The following XKR9 variants were observed in gnomAD, a reference collection of about 807,000 sequenced individuals.
The protein encoded by XKR9 is XK related 9.
Under a neutral mutation model 32.0 loss-of-function variants are expected in XKR9, and 32 were observed. That is an observed-to-expected ratio of 1.00 (90% confidence interval 0.76 to 1.34). XKR9 has a LOEUF of 1.34. XKR9 is among the 40% of genes most tolerant of loss of function. XKR9 has a pLI of 0.00. For missense variants in XKR9, 546 were observed against 429.7 expected, an observed-to-expected ratio of 1.27 and a Z score of -2.39; for synonymous variants, 168 against 143.4, an observed-to-expected ratio of 1.17 and a Z score of -1.22.
chr8:70,818,173 TG>T, the XKR9 span, among the ~76,000 whole-genome samples: 2 of 148,990 alleles, frequency 1.3e-5, no homozygotes, highest in Non-Finnish European at 3.0e-5. Flanking sequence ...TGTTTTTTGT[TG>T]TTGTTGTTTT....
the XKR9 span, among the ~76,000 whole-genome samples, chr8:70,958,931 G>GAAATAAAAA: frequency 6.7e-6 from 1 of 149,560 alleles, no homozygotes. Flanking sequence ...TAATTTGTGT[G>GAAATAAAAA]TATATATATA....
chr8:70,734,373 T>C lies in XKR9; in HGVS notation c.1071T>C (p.Asp357=). The change falls in exon 5 of 5, where the codon GAT becomes GAC. Residue 357 remains aspartate (D), a synonymous_variant. Coordinates refer to ENST00000408926, the MANE Select transcript of XKR9 (RefSeq NM_001011720.2). ...CAGAAACAAAATGTGATGAAATTGA[T>C]GGAAAACCAGTTCTAAGAGAATGTA... ...RSAETKCDEI[D]GKPVLRECRM... The C allele has an allele frequency of 6.2e-7, 1 of 1,609,670 alleles. No homozygotes were observed. Among genetic ancestry groups the C allele is most frequent in the South Asian group, 1.1e-5 (1 of 90,580 alleles).
the XKR9 span, among the ~76,000 whole-genome samples, chr8:70,842,682 C>G: frequency 0.021 from 3,237 of 152,258 alleles, 53 homozygotes; most frequent in Non-Finnish European, 0.034. Flanking sequence ...TTTGCCTAAT[C>G]CTTTTTATGT....
chr8:71,032,277 C>A, the XKR9 span, among the ~76,000 whole-genome samples: 1 of 82,176 alleles, frequency 1.2e-5, no homozygotes, highest in Non-Finnish European at 2.1e-5. Context: ...GAGTGAGACT[C>A]TGTCAAAAAA....
chr8:71,063,844 C>A, the XKR9 span, among the ~76,000 whole-genome samples: 1 of 152,130 alleles, frequency 6.6e-6, no homozygotes, highest in South Asian at 2.1e-4. Context: ...GTTTTCAATT[C>A]TAAAAAATAG....
chr8:70,819,937 A>T, the XKR9 span, among the ~76,000 whole-genome samples: 1 of 152,214 alleles, frequency 6.6e-6, no homozygotes, highest in Admixed American at 6.5e-5. Flanking sequence ...GCTGGCTCAT[A>T]TAAAACATTT....
At chr8:70,918,893 T>C in the XKR9 span, among the ~76,000 whole-genome samples, 1 of 145,060 alleles carries the variant, frequency 6.9e-6, no homozygotes, top group Non-Finnish European at 1.5e-5. Context: ...TTCTCTTGCC[T>C]CAGCCTCCTG....
At chr8:71,048,114 G>T in the XKR9 span, among the ~76,000 whole-genome samples, 1 of 152,084 alleles carries the variant, frequency 6.6e-6, no homozygotes, top group African/African-American at 2.4e-5. Context: ...AAAAAAAATG[G>T]GAAGTCAACA....
chr8:70,921,616 A>G, the XKR9 span, among the ~76,000 whole-genome samples: 1 of 152,194 alleles, frequency 6.6e-6, no homozygotes, highest in Non-Finnish European at 1.5e-5. Context: ...TTCTTTACAC[A>G]AATTTTTGAA....
chr8:71,005,293 G>T, the XKR9 span, among the ~76,000 whole-genome samples: 564 of 149,134 alleles, frequency 3.8e-3, 4 homozygotes, highest in African/African-American at 0.013. Context: ...TGCAATCTCA[G>T]CTCACTGCAA....
the XKR9 span, among the ~76,000 whole-genome samples, chr8:70,883,384 A>G: frequency 6.6e-6 from 1 of 151,968 alleles, no homozygotes; most frequent in African/African-American, 2.4e-5. Context: ...GTTGGTCAAT[A>G]GACTCTTAGG....
intron 4 of XKR9, among the ~76,000 whole-genome samples, chr8:70,715,725 G>T (rs557771584): frequency 6.6e-5 from 10 of 152,188 alleles, no homozygotes; most frequent in African/African-American, 1.4e-4. Flanking sequence ...AGGAAAAAAA[G>T]TAATGTACTA....
chr8:70,751,612 T>C (rs1052992220), intron 2 of XKR9, among the ~76,000 whole-genome samples: 8 of 152,172 alleles, frequency 5.3e-5, no homozygotes, highest in Non-Finnish European at 8.8e-5. Context: ...TTTGAGGGCC[T>C]GGATGGAACA....
chr8:70,684,506 CTAT>C (rs1451603931), intron 3 of XKR9, among the ~76,000 whole-genome samples: 1 of 151,694 alleles, frequency 6.6e-6, no homozygotes, highest in East Asian at 1.9e-4. Context: ...ATATATTGTC[CTAT>C]TATTTTGAAC....
At chr8:71,004,128 C>T in the XKR9 span, among the ~76,000 whole-genome samples, 2 of 152,108 alleles carry the variant, frequency 1.3e-5, no homozygotes, top group South Asian at 2.1e-4. Context: ...GGGGTCATCC[C>T]GTGGAGGACC....
chr8:70,736,544 T>C (rs537364742), downstream of XKR9, among the ~76,000 whole-genome samples: 15 of 152,364 alleles, frequency 9.8e-5, no homozygotes, highest in African/African-American at 3.6e-4. Context: ...TCTGTGCCCA[T>C]GCCTATGTCC....
the XKR9 span, among the ~76,000 whole-genome samples, chr8:70,877,189 T>G: frequency 6.6e-6 from 1 of 152,162 alleles, no homozygotes; most frequent in Non-Finnish European, 1.5e-5. Context: ...TCATGAGAAC[T>G]CATTCACTAT....
At chr8:70,979,301 T>C in the XKR9 span, among the ~76,000 whole-genome samples, 2 of 152,328 alleles carry the variant, frequency 1.3e-5, no homozygotes, top group South Asian at 2.1e-4. Flanking sequence ...CTGCAATCCT[T>C]TGGAGGAGAA....
rs1380367332 is a variant in XKR9, at chr8:70,734,079, G to T, written c.777G>T (p.Met259Ile). ...NNTQFCTCIS[M>I]EFLYRIVVGF... ...CCCAGTTTTGTACTTGTATAAGTAT[G>T]GAATTCTTATATAGGATTGTTGTTG... Residue 259 changes from methionine to isoleucine, a missense_variant, in exon 5 of 5, where the codon ATG becomes ATT. Physicochemically the swap from Met to Ile is conservative, Grantham distance 10 (BLOSUM62 1). Coordinates refer to ENST00000408926, the MANE Select transcript of XKR9 (RefSeq NM_001011720.2). 6.2e-7 allele frequency: 1 copy of T among 1,610,956 alleles called. No homozygotes were observed.
Sources: allele counts gnomAD v4.1 joint callset (sites outside exome capture counted in the v4.1 genomes callset), GRCh38; gene constraint gnomAD v4.1.1; transcripts MANE v1.5; gene names NCBI Gene and HGNC (gene_info 2026-07-23, HGNC 2026-07-21).